Variants in RANBP2 observed in about 807,000 individuals in gnomAD.
RANBP2 encodes the protein E3 SUMO-protein ligase RanBP2.
In RANBP2, 57 loss-of-function variants were observed where a neutral mutation model predicts 303.6. The ratio of observed to expected loss-of-function variants is 0.19; its 90% CI spans 0.15 to 0.23. The LOEUF is 0.23. Among genes scored for constraint, RANBP2 ranks in the 10% least tolerant of loss-of-function variants. The probability of loss-of-function intolerance (pLI) is 1.00; values close to 1 mark genes in which losing one functional copy is unlikely to be tolerated. For synonymous variants in RANBP2, 1,167 were observed against 1,301.5 expected, an observed-to-expected ratio of 0.90 and a Z score of 2.23; for missense variants, 3,138 against 3,780.8, an observed-to-expected ratio of 0.83 and a Z score of 4.46.
chr2:109,110,795 C>G, the RANBP2 span, among the ~76,000 whole-genome samples: 2 of 152,164 alleles, frequency 1.3e-5, no homozygotes, highest in Admixed American at 1.3e-4. Flanking sequence ...GATCAGGTGG[C>G]TACTTCACAC....
At chr2:108,738,422 G>A (rs1312694024) in intron 6 of RANBP2, among the ~76,000 whole-genome samples, 1 of 151,912 alleles carries the variant, frequency 6.6e-6, no homozygotes, top group African/African-American at 2.4e-5. Context: ...GCCTCCCAAA[G>A]TACTGGAAGG....
intron 20 of RANBP2, 47 bp from the exon 21 acceptor site, chr2:108,771,654 A>T: frequency 1.2e-6 from 2 of 1,603,520 alleles, no homozygotes; most frequent in Non-Finnish European, 1.7e-6. Context: ...TATTAACGTC[A>T]ATACTTAATA....
the RANBP2 span, among the ~76,000 whole-genome samples, chr2:108,954,411 C>T: frequency 1.3e-5 from 2 of 152,202 alleles, no homozygotes; most frequent in Non-Finnish European, 2.9e-5. Flanking sequence ...TGCCCTCTCT[C>T]GCCCTGCAAA....
At chr2:108,730,717 G>A in intron 2 of RANBP2, 57 bp from the exon 3 acceptor site, 13 of 1,580,974 alleles carry the variant, frequency 8.2e-6, no homozygotes, top group African/African-American at 1.3e-5. Context: ...TCTTCGGTTA[G>A]CATTTAAAAG....
At chr2:109,765,394 T>A in the RANBP2 span, among the ~76,000 whole-genome samples, 11 of 150,576 alleles carry the variant, frequency 7.3e-5, no homozygotes, top group Non-Finnish European at 1.5e-4. Flanking sequence ...TTCTTTTTTT[T>A]AAAATTTCCC....
At chr2:108,789,678 T>C (rs546725512), downstream of RANBP2, among the ~76,000 whole-genome samples, 2 of 152,300 alleles carry the variant, frequency 1.3e-5, no homozygotes, top group South Asian at 2.1e-4. Context: ...TGTCTGGTAT[T>C]GTATGCATTG....
At chr2:109,695,705 A>C in the RANBP2 span, among the ~76,000 whole-genome samples, 1 of 152,188 alleles carries the variant, frequency 6.6e-6, no homozygotes, top group Non-Finnish European at 1.5e-5. Context: ...AAATTGGAGC[A>C]CTGGCACCTG....
the RANBP2 span, among the ~76,000 whole-genome samples, chr2:109,422,280 T>G: frequency 6.6e-6 from 1 of 152,196 alleles, no homozygotes; most frequent in African/African-American, 2.4e-5. Context: ...ATGGGGCTGA[T>G]GTGAAAGTCA....
chr2:109,007,964 C>T, the RANBP2 span, among the ~76,000 whole-genome samples: 1 of 152,174 alleles, frequency 6.6e-6, no homozygotes, highest in Non-Finnish European at 1.5e-5. Flanking sequence ...GTAAGCCGAC[C>T]ATAGCAGGAT....
intron 4 of RANBP2, 61 bp downstream of exon 4, chr2:108,731,535 T>C (rs541587057): frequency 6.2e-7 from 1 of 1,607,978 alleles, no homozygotes; most frequent in Admixed American, 1.7e-5. Context: ...ATATTTGGAA[T>C]TTAAATTACT....
the RANBP2 span, among the ~76,000 whole-genome samples, chr2:109,414,626 C>T: frequency 3.3e-5 from 5 of 152,252 alleles, no homozygotes; most frequent in East Asian, 5.8e-4. Context: ...ACATACATGA[C>T]CCCAGATCTG....
the RANBP2 span, chr2:109,503,796 T>G: frequency 6.6e-6 from 1 of 152,152 alleles, no homozygotes; most frequent in Admixed American, 6.5e-5. Flanking sequence ...GTTCTTACTC[T>G]CCCAGGCATG....
chr2:109,003,583 G>T, the RANBP2 span, among the ~76,000 whole-genome samples: 1 of 151,866 alleles, frequency 6.6e-6, no homozygotes, highest in Non-Finnish European at 1.5e-5. Context: ...GCTAATTTTT[G>T]TATTTTTAGT....
chr2:109,638,213 C>G, the RANBP2 span, among the ~76,000 whole-genome samples: 1 of 152,268 alleles, frequency 6.6e-6, no homozygotes, highest in East Asian at 1.9e-4. Flanking sequence ...TCTTTGTGCT[C>G]TTATTACAAC....
the RANBP2 span, among the ~76,000 whole-genome samples, chr2:109,377,269 G>A: frequency 2.6e-5 from 4 of 152,214 alleles, no homozygotes; most frequent in South Asian, 4.1e-4. Flanking sequence ...GGCCAGCGGG[G>A]CGTTGGTCTG....
the RANBP2 span, among the ~76,000 whole-genome samples, chr2:109,489,141 T>G: frequency 6.6e-6 from 1 of 152,204 alleles, no homozygotes; most frequent in South Asian, 2.1e-4. Context: ...CACACCTTCA[T>G]TATATCTCTT....
At chr2:108,861,472 CTTTTTTTT>C in the RANBP2 span, among the ~76,000 whole-genome samples, 2 of 123,550 alleles carry the variant, frequency 1.6e-5, no homozygotes, top group African/African-American at 7.7e-5. Context: ...AACTTTCTTC[CTTTTTTTT>C]TTTTTTTTTT....
At chr2:109,621,235 C>T in the RANBP2 span, among the ~76,000 whole-genome samples, 1 of 152,140 alleles carries the variant, frequency 6.6e-6, no homozygotes, top group African/African-American at 2.4e-5. Context: ...TCACTGCAAC[C>T]TCTGCCTCTC....
At chr2:109,126,645 T>C in the RANBP2 span, among the ~76,000 whole-genome samples, 1 of 152,196 alleles carries the variant, frequency 6.6e-6, no homozygotes, top group East Asian at 1.9e-4. Flanking sequence ...CAGAGGCAGC[T>C]GGTGCAAGAA....
Sources: allele counts gnomAD v4.1 joint callset (sites outside exome capture counted in the v4.1 genomes callset), GRCh38; gene constraint gnomAD v4.1.1; transcripts MANE v1.5; gene names NCBI Gene and HGNC (gene_info 2026-07-23, HGNC 2026-07-21).